Variants in NUP155 observed in about 807,000 individuals in gnomAD.
NUP155 encodes nucleoporin 155.
Under a neutral mutation model 180.4 loss-of-function variants are expected in NUP155, and 71 were observed. That is an observed-to-expected ratio of 0.39 (90% CI 0.33 to 0.48). The LOEUF (loss-of-function observed/expected upper bound fraction) is 0.48, where lower values mean the gene tolerates loss of function less well. NUP155 is among the 20% of genes least tolerant of loss of function. The pLI is 0.91. For synonymous variants in NUP155, 582 were observed against 559.5 expected (o/e 1.04, Z -0.57); for missense variants, 1,553 against 1,648.9 (o/e 0.94, Z 1.01).
At chr5:37,301,205 C>A (rs984962019) in intron 30 of NUP155, 2 of 453,344 alleles carry the variant, frequency 4.4e-6, no homozygotes, top group African/African-American at 4.0e-5. Context: ...AGCTCTCATG[C>A]GAGGATGATA....
chr5:37,330,628 GA>G (rs1744894747), intron 14 of NUP155, among the ~76,000 whole-genome samples: 2 of 152,050 alleles, frequency 1.3e-5, no homozygotes, highest in African/African-American at 4.8e-5. Context: ...ACTTAACTTT[GA>G]ACTACTCCCA....
At chr5:37,292,290 A>T (rs1742277213) in intron 34 of NUP155, among the ~76,000 whole-genome samples, 1 of 150,588 alleles carries the variant, frequency 6.6e-6, no homozygotes, top group South Asian at 2.1e-4. Flanking sequence ...ATCTCGGCTC[A>T]CTGCAACCTC....
At chr5:37,361,626 T>C (rs16903601) in intron 3 of NUP155, among the ~76,000 whole-genome samples, 24,264 of 152,150 alleles carry the variant, frequency 0.16, 1,986 homozygotes, top group South Asian at 0.2. Flanking sequence ...TAGAGAACAA[T>C]GAAATGACCA....
chr5:37,305,841 C>A lies in NUP155; in HGVS notation c.2904-631G>T, dbSNP rs185047319. Reference sequence around the variant, plus strand: ...TGAGCTATTATCATGCCACTGCACTCCAGCTCAGGCAACAGAATGAGGCCC... The same window carrying A: ...TGAGCTATTATCATGCCACTGCACTACAGCTCAGGCAACAGAATGAGGCCC... On this transcript the variant is annotated intron_variant, in intron 25 of 34. Coordinates refer to ENST00000231498, the MANE Select transcript of NUP155 (RefSeq NM_153485.3). 4.0e-3 allele frequency among the ~76,000 whole-genome samples: 609 copies of A among 152,128 alleles called. 3 individuals carry two copies. Among genetic ancestry groups the A allele is most frequent in the Non-Finnish European group, 5.8e-3 (396 of 68,000 alleles).
intron 31 of NUP155, 147 bp from the exon 32 acceptor site, chr5:37,299,125 T>C (rs1173793952): frequency 7.2e-6 from 5 of 693,190 alleles, no homozygotes; most frequent in Non-Finnish European, 1.3e-5. Context: ...GTTTCTGTTA[T>C]TGTCTGAGAT....
intron 21 of NUP155, among the ~76,000 whole-genome samples, chr5:37,315,976 A>G (rs1743858381): frequency 6.6e-6 from 1 of 152,180 alleles, no homozygotes; most frequent in Non-Finnish European, 1.5e-5. Flanking sequence ...CATAAAATGC[A>G]GTAGCTGCTA....
intron 13 of NUP155, among the ~76,000 whole-genome samples, chr5:37,332,516 G>C (rs549832345): frequency 6.6e-6 from 1 of 151,490 alleles, no homozygotes; most frequent in South Asian, 2.1e-4. Flanking sequence ...GTAAAGACGG[G>C]GTTTCACTGT....
intron 4 of NUP155, among the ~76,000 whole-genome samples, chr5:37,353,155 A>G (rs1310799253): frequency 6.6e-6 from 1 of 151,936 alleles, no homozygotes; most frequent in Non-Finnish European, 1.5e-5. Flanking sequence ...AGAGATGTAT[A>G]TTTGTATACC....
chr5:37,338,477 G>A (rs1243936478), intron 11 of NUP155, among the ~76,000 whole-genome samples: 2 of 150,094 alleles, frequency 1.3e-5, no homozygotes, highest in Non-Finnish European at 3.0e-5. Flanking sequence ...CGCGATCTCG[G>A]CTCACTGCAA....
chr5:37,309,081 T>C, intron 24 of NUP155, 48 bp downstream of exon 24: 3 of 1,592,312 alleles, frequency 1.9e-6, no homozygotes, highest in South Asian at 2.2e-5. Context: ...ACACTATTGT[T>C]TGTCTTTTGA....
intron 12 of NUP155, 109 bp downstream of exon 12, chr5:37,337,709 T>C (rs1745424290): frequency 3.0e-6 from 2 of 664,278 alleles, no homozygotes; most frequent in Admixed American, 2.7e-5. Context: ...TTTCTAATAA[T>C]ACGTTATTAG....
intron 34 of NUP155, among the ~76,000 whole-genome samples, chr5:37,292,549 G>C (rs1488508859): frequency 6.6e-6 from 1 of 152,102 alleles, no homozygotes; most frequent in Non-Finnish European, 1.5e-5. Context: ...AGCAGTAAGA[G>C]ATGATTCCTG....
In NUP155 at chr5:37,328,365, C is replaced by T. The variant is rs768664657; in HGVS notation, c.1869G>A (p.Pro623=). The T allele has an allele frequency of 1.4e-4, 231 of 1,607,090 alleles. 1 individual carries two copies. Among genetic ancestry groups the T allele is most frequent in the South Asian group, 6.5e-4 (59 of 90,906 alleles). Residue 623 remains proline, a synonymous_variant, in exon 17 of 35, where the codon CCG becomes CCA. Coordinates refer to ENST00000231498, the MANE Select transcript of NUP155 (RefSeq NM_153485.3). ...AACAAAGAAAAGAGGTACCATGAGA[C>T]GGTGTTCCCAAAAAGGATGGATTTG... ...PYPNPSFLGT[P]SHGIQPPAMS...
chr5:37,354,113 T>C (rs1746650985), intron 4 of NUP155, among the ~76,000 whole-genome samples: 1 of 152,200 alleles, frequency 6.6e-6, no homozygotes, highest in Non-Finnish European at 1.5e-5. Context: ...ACTTAATGCA[T>C]CTCTTTTAGA....
At chr5:37,326,065 T>A in intron 18 of NUP155, 98 bp from the exon 19 acceptor site, 1 of 884,270 alleles carries the variant, frequency 1.1e-6, no homozygotes, top group Non-Finnish European at 1.9e-6. Context: ...ATTCAGTTTT[T>A]AAAACTTGCA....
intron 22 of NUP155, among the ~76,000 whole-genome samples, chr5:37,311,840 C>T (rs1238122416): frequency 2.0e-5 from 3 of 151,916 alleles, no homozygotes; most frequent in Non-Finnish European, 2.9e-5. Context: ...GCCAACATGG[C>T]GAAACCCGGT....
intron 3 of NUP155, among the ~76,000 whole-genome samples, chr5:37,362,536 C>T (rs1446769586): frequency 1.3e-5 from 2 of 152,126 alleles, no homozygotes; most frequent in African/African-American, 2.4e-5. Context: ...GATCTGCCTG[C>T]CTTGGCCTCC....
chr5:37,349,141 C>T (rs1320151099), intron 8 of NUP155, 31 bp downstream of exon 8: 1 of 494,864 alleles, frequency 2.0e-6, no homozygotes, highest in East Asian at 3.8e-5. Context: ...ATTTATTTGA[C>T]TCTTAATGGT....
At position 37,368,213 on chromosome 5, in the gene NUP155, T is replaced by C. The variant is rs1393620148; in HGVS notation, c.157+2608A>G. Among the ~76,000 whole-genome samples, 46 of 98,654 alleles carry C rather than the reference T, an allele frequency of 4.7e-4. 1 individual carries two copies. The highest frequency in any genetic ancestry group is 1.4e-3 in the African/African-American group (41 of 29,082). The allele number at this position is 98,654 out of a possible 152,430, so 64.7% of individuals were successfully genotyped here. On this transcript the variant is annotated intron_variant, in intron 1 of 34. Coordinates refer to ENST00000231498, the MANE Select transcript of NUP155 (RefSeq NM_153485.3). ...GCATGAGGCACAGCGCCAGGCCTTT[T>C]TTTTTTTTTTTTTTTTTTTTTTTTG...
Sources: gnomAD v4.1 joint callset for allele counts (sites outside exome capture counted in the v4.1 genomes callset) on GRCh38, gnomAD v4.1.1 for gene constraint, MANE v1.5 for transcripts, NCBI Gene and HGNC (gene_info 2026-07-23, HGNC 2026-07-21) for gene names.